CXXC5: variants seen among roughly 807,000 people sequenced by gnomAD.
The protein encoded by CXXC5 is CXXC finger protein 5.
Under a neutral mutation model 17.6 loss-of-function variants are expected in CXXC5, and 2 were observed. That is an observed-to-expected ratio of 0.11 (90% CI 0.05 to 0.36). CXXC5 has a LOEUF of 0.36. CXXC5 is among the 10% of genes least tolerant of loss of function. CXXC5 has a pLI of 1.00. For missense variants in CXXC5, 343 were observed against 458.3 expected (o/e 0.75, Z 2.30); for synonymous variants, 171 against 193.0 (o/e 0.89, Z 0.94).
rs760460579 is a variant in CXXC5 at position 139,681,152 on chromosome 5, A to G, written c.629A>G (p.Tyr210Cys). 11 of 1,612,704 alleles carry G rather than the reference A, an allele frequency of 6.8e-6. No individual in the cohort carries two copies. Among genetic ancestry groups the G allele is most frequent in the Middle Eastern group, 3.3e-4 (2 of 6,084 alleles). Residue 210 changes from tyrosine to cysteine, a missense_variant, in exon 2 of 3, where the codon TAC (tyrosine) becomes TGC (cysteine). By Grantham distance (194) the Tyr-to-Cys change is radical. Transcript: ENST00000302517. ...CTCAATGGCCAGTCCGACTTCCCCT[A>G]CCTGGGCGCTTTCCCCATCAACCCA... ...EALNGQSDFP[Y>C]LGAFPINPGL...
In CXXC5 at chr5:139,681,456, G is replaced by A. The variant is rs1008191767; in HGVS notation, c.924+9G>A. On this transcript the variant is annotated intron_variant, in intron 2 of 2. Coordinates refer to ENST00000302517, the MANE Select transcript of CXXC5 (RefSeq NM_016463.9). ...CTTCCGCTGCTCTGGAGGTAACGGCGCCTTAGAGGGAGGTGTGTGGGCTCT... is the reference window on the plus strand; with the variant it reads ...CTTCCGCTGCTCTGGAGGTAACGGCACCTTAGAGGGAGGTGTGTGGGCTCT... 5 of 1,548,390 alleles carry A rather than the reference G, an allele frequency of 3.2e-6. No individual in the cohort carries two copies. The highest frequency in any genetic ancestry group is 1.2e-5 in the South Asian group (1 of 80,460).
At position 139,661,485 on chromosome 5, in the gene CXXC5, A is replaced by G. The variant is rs946041270; in HGVS notation, c.-161+12640A>G. Among the ~76,000 whole-genome samples the G allele has an allele frequency of 5.3e-5, 8 of 152,170 alleles. No homozygotes were observed. The highest frequency in any genetic ancestry group is 1.2e-4 in the Non-Finnish European group (8 of 68,034). Reference sequence around the variant, plus strand: ...ACACACAGCTCCCATGTGGTGCTCCAGAAGCACACTCACGGTTCCAGCCAC... The same window carrying G: ...ACACACAGCTCCCATGTGGTGCTCCGGAAGCACACTCACGGTTCCAGCCAC... On this transcript the variant is annotated intron_variant, in intron 1 of 2. Transcript: ENST00000302517. The surrounding 1 kb of genome is among the most constrained non-coding windows in gnomAD (Gnocchi z 4.7).
Position 139,681,443 on chromosome 5 carries a change from T to C in CXXC5, c.920T>C (p.Leu307Pro). 1 of 1,566,478 alleles carries C rather than the reference T, an allele frequency of 6.4e-7. No individual in the cohort carries two copies. Among genetic ancestry groups the C allele is most frequent in the Non-Finnish European group, 8.7e-7 (1 of 1,153,024 alleles). ...CTCAAAAAGAAGCCTTCCGCTGCTCTGGAGGTAACGGCGCCTTAGAGGGAG... is the reference window on the plus strand; with the variant it reads ...CTCAAAAAGAAGCCTTCCGCTGCTCCGGAGGTAACGGCGCCTTAGAGGGAG... Reference protein sequence around the residue: ...EELKKKPSAALEKVMLPTGAA... With the variant: ...EELKKKPSAAPEKVMLPTGAA... Residue 307 changes from leucine (L) to proline (P), a missense_variant, in exon 2 of 3, where the codon CTG (leucine) becomes CCG (proline). Physicochemically the swap from Leu to Pro is moderately conservative, Grantham distance 98. Transcript: ENST00000302517.
chr5:139,682,362 A>C (rs1581638851), intron 2 of CXXC5, among the ~76,000 whole-genome samples: 1 of 31,302 alleles, frequency 3.2e-5, no homozygotes, highest in Admixed American at 3.9e-4. Flanking sequence ...CAGCCCTTCC[A>C]TTTCTGCTCT....
chr5:139,674,589 C>CT (rs1756674858), intron 1 of CXXC5, among the ~76,000 whole-genome samples: 2 of 152,218 alleles, frequency 1.3e-5, no homozygotes, highest in Admixed American at 6.5e-5. Context: ...GTGCCTTGGT[C>CT]AAACCCTGCC....
chr5:139,675,153 C>T (rs549079083), intron 1 of CXXC5, among the ~76,000 whole-genome samples: 24 of 152,266 alleles, frequency 1.6e-4, no homozygotes, highest in African/African-American at 5.1e-4. Flanking sequence ...GCTGTCTCTC[C>T]GGTATCATAA....
intron 1 of CXXC5, among the ~76,000 whole-genome samples, chr5:139,657,632 CA>C (rs1298034882): frequency 3.9e-5 from 6 of 152,164 alleles, no homozygotes; most frequent in Non-Finnish European, 8.8e-5. Flanking sequence ...GGCCAGAGAG[CA>C]ATAGGCTGCT....
At chr5:139,655,184 G>A (rs1407511179) in intron 1 of CXXC5, among the ~76,000 whole-genome samples, 3 of 152,126 alleles carry the variant, frequency 2.0e-5, no homozygotes, top group African/African-American at 7.2e-5. Flanking sequence ...TAATCCCCGA[G>A]GCCCATCCCA....
chr5:139,647,577 C>CTT (rs1754940613), upstream of CXXC5: 1 of 152,222 alleles, frequency 6.6e-6, no homozygotes, highest in Admixed American at 6.5e-5. Flanking sequence ...CTGAGTTTTC[C>CTT]TTCTGTCTTT....
intron 1 of CXXC5, among the ~76,000 whole-genome samples, chr5:139,677,766 GAGGA>G (rs1756936521): frequency 6.6e-6 from 1 of 152,224 alleles, no homozygotes; most frequent in Non-Finnish European, 1.5e-5. Context: ...AATTCCAAGA[GAGGA>G]ACAGAACATG....
intron 1 of CXXC5, among the ~76,000 whole-genome samples, chr5:139,674,914 A>G (rs956066685): frequency 2.6e-5 from 4 of 152,054 alleles, no homozygotes; most frequent in African/African-American, 9.7e-5. Flanking sequence ...TCATAGACAC[A>G]CCTCACATCT....
chr5:139,682,423 A>G (rs533388907), intron 2 of CXXC5, among the ~76,000 whole-genome samples: 3 of 149,414 alleles, frequency 2.0e-5, no homozygotes, highest in Non-Finnish European at 3.0e-5. Flanking sequence ...ACACACATGC[A>G]CACACACATA....
At chr5:139,675,180 C>T (rs10476830) in intron 1 of CXXC5, among the ~76,000 whole-genome samples, 6,873 of 152,132 alleles carry the variant, frequency 0.045, 533 homozygotes, top group African/African-American at 0.16. Context: ...GGGCTGCTGT[C>T]GAGGTAGGTG....
intron 1 of CXXC5, among the ~76,000 whole-genome samples, chr5:139,678,124 G>A (rs1277446077): frequency 1.3e-5 from 2 of 152,224 alleles, no homozygotes; most frequent in Non-Finnish European, 2.9e-5. Context: ...TGGGCTGCCG[G>A]GGTTGTCGTC....
At chr5:139,672,065 G>A (rs1468043699) in intron 1 of CXXC5, among the ~76,000 whole-genome samples, 3 of 152,176 alleles carry the variant, frequency 2.0e-5, no homozygotes, top group African/African-American at 7.2e-5. Context: ...GGTGGACAGT[G>A]AGTGTGCATT....
intron 1 of CXXC5, among the ~76,000 whole-genome samples, chr5:139,650,837 G>A (rs117570076): frequency 7.2e-5 from 11 of 152,064 alleles, no homozygotes; most frequent in African/African-American, 9.7e-5. Flanking sequence ...CTACCTACCC[G>A]TAACTGCGTA....
At position 139,676,235 on chromosome 5, in the gene CXXC5, A is replaced by C. The variant is rs1581619544; in HGVS notation, c.-160-4129A>C. Among the ~76,000 whole-genome samples, 3 of 44,096 alleles carry C rather than the reference A, an allele frequency of 6.8e-5. No homozygotes were observed. The Admixed American group carries it at 8.8e-4, about 13-fold the overall frequency. 28.9% of individuals were successfully genotyped at this position (44,096 alleles called of 152,430 possible). ...CACCTCCTCCACAGTCCTTCTTGCC[A>C]CCCTCCTCCCCACCTCCTCCACAGT... is the stretch of plus-strand genomic sequence containing the variant. On this transcript the variant is annotated intron_variant, in intron 1 of 2. Coordinates refer to ENST00000302517, the MANE Select transcript of CXXC5 (RefSeq NM_016463.9).
At chr5:139,651,541 T>C (rs1024064800) in intron 1 of CXXC5, among the ~76,000 whole-genome samples, 1 of 152,310 alleles carries the variant, frequency 6.6e-6, no homozygotes, top group African/African-American at 2.4e-5. Flanking sequence ...ATTTGGCACA[T>C]GTGAAACTGA....
At chr5:139,654,206 G>C (rs1486159765) in intron 1 of CXXC5, among the ~76,000 whole-genome samples, 1 of 152,130 alleles carries the variant, frequency 6.6e-6, no homozygotes, top group African/African-American at 2.4e-5. Context: ...CCTTTTCTGG[G>C]TGTCCCTTGT....
Sources: gnomAD v4.1 joint callset for allele counts (sites outside exome capture counted in the v4.1 genomes callset) on GRCh38, gnomAD v4.1.1 for gene constraint, Gnocchi (gnomAD v3.1) non-coding constraint, MANE v1.5 for transcripts, NCBI Gene and HGNC (gene_info 2026-07-23, HGNC 2026-07-21) for gene names.